The following ABCC5 variants were observed in gnomAD, a reference collection of about 807,000 sequenced individuals.
ABCC5 encodes ATP-binding cassette sub-family C member 5.
A neutral mutation model predicts 160.9 loss-of-function variants in ABCC5; 61 were observed. The observed-to-expected ratio is 0.38, with a 90% CI of 0.31 to 0.47. ABCC5 has a LOEUF of 0.47. Among genes scored for constraint, ABCC5 ranks in the 20% least tolerant of loss-of-function variants. The pLI is 0.99. For synonymous variants in ABCC5, 666 were observed against 700.6 expected, an observed-to-expected ratio of 0.95 and a Z score of 0.78; for missense variants, 1,308 against 1,813.3, an observed-to-expected ratio of 0.72 and a Z score of 5.06.
At chr3:183,974,104 A>ACC (rs1449003252) in intron 10 of ABCC5, among the ~76,000 whole-genome samples, 1 of 152,198 alleles carries the variant, frequency 6.6e-6, no homozygotes, top group Non-Finnish European at 1.5e-5. Context: ...TGTCAGAACA[A>ACC]CAGAATCTTA....
At chr3:184,006,285 C>T (rs1312508411) in intron 2 of ABCC5, 1 of 136,722 alleles carries the variant, frequency 7.3e-6, no homozygotes, top group Admixed American at 7.8e-5. Flanking sequence ...TTTATGGATG[C>T]CTACAGGGAG....
chr3:183,991,629 C>T (rs1432894799), intron 2 of ABCC5, among the ~76,000 whole-genome samples: 1 of 152,184 alleles, frequency 6.6e-6, no homozygotes, highest in East Asian at 1.9e-4. Flanking sequence ...CACTCCTTTC[C>T]TTTTGTCAAA....
rs1715320637 is a variant in ABCC5, at chr3:183,951,303, T to C, written c.2944+138A>G. 24 of 1,139,510 alleles carry C rather than the reference T, an allele frequency of 2.1e-5. No homozygotes were observed. The highest frequency in any genetic ancestry group is 2.9e-5 in the Non-Finnish European group (24 of 820,934). The allele number at this position is 1,139,510 out of a possible 1,614,324, so 70.6% of individuals were successfully genotyped here. A position where few individuals can be genotyped will look rare whatever the true frequency, so the allele number is the denominator to read the frequency against. On this transcript the variant is annotated intron_variant, in intron 20 of 29. Coordinates refer to ENST00000334444, the MANE Select transcript of ABCC5 (RefSeq NM_005688.4). The surrounding 1 kb of genome is among the most constrained non-coding windows in gnomAD (Gnocchi z 4.7). ...AACAAGACAGAAAATGCAGTTGCAA[T>C]GTTCCTGGTGAAAACACCAGCAGTC...
chr3:184,002,140 G>A (rs1720793739), intron 2 of ABCC5, among the ~76,000 whole-genome samples: 1 of 152,156 alleles, frequency 6.6e-6, no homozygotes, highest in South Asian at 2.1e-4. Flanking sequence ...GCTTATGCTT[G>A]TAATCCCAGC....
At chr3:184,001,266 T>A (rs1239791982) in intron 2 of ABCC5, 11 of 520,246 alleles carry the variant, frequency 2.1e-5, no homozygotes, top group Non-Finnish European at 3.8e-5. Flanking sequence ...AAATAAAAAG[T>A]AAAAGGTAAA....
Position 183,925,669 on chromosome 3 carries a change from T to C in ABCC5, c.4098A>G (p.Leu1366=), listed in dbSNP as rs1433084144. 6.2e-7 allele frequency: 1 copy of C among 1,614,094 alleles called. No individual in the cohort carries two copies. The highest frequency in any genetic ancestry group is 8.5e-7 in the Non-Finnish European group (1 of 1,180,010). Residue 1366 remains leucine, a synonymous_variant, in exon 29 of 30, where the codon TTA becomes TTG. Coordinates refer to ENST00000334444, the MANE Select transcript of ABCC5 (RefSeq NM_005688.4). ...CTTCTCGGATGGTCTCTTGAATCAATAAGTCTGTCTCTGTGTCCATGGCAG... is the reference window on the plus strand; with the variant it reads ...CTTCTCGGATGGTCTCTTGAATCAACAAGTCTGTCTCTGTGTCCATGGCAG... ...ATAAMDTETD[L]LIQETIREAF...
intron 2 of ABCC5, among the ~76,000 whole-genome samples, chr3:183,990,996 A>G (rs967182865): frequency 5.9e-5 from 9 of 152,172 alleles, no homozygotes; most frequent in Admixed American, 4.6e-4. Context: ...TCCAGCAATT[A>G]TTGTGAAACA....
chr3:183,951,936 T>G lies in ABCC5; in HGVS notation c.2735A>C (p.Gln912Pro), dbSNP rs755404829. ...SDSMKDNPHM[Q>P]YYASIYALSM... ...GAGGGCGTAGATGCTGGCATAGTACTGCATATGAGGATTGTCCTTCATGCT... is the reference window on the plus strand; with the variant it reads ...GAGGGCGTAGATGCTGGCATAGTACGGCATATGAGGATTGTCCTTCATGCT... Residue 912 changes from glutamine to proline, a missense_variant, in exon 19 of 30, where the codon CAG becomes CCG. Gln to Pro is a moderately conservative substitution (Grantham distance 76, BLOSUM62 -1). This residue lies in a region of ABCC5 where 1,142 missense variants were observed against 1,527.1 expected (regional missense o/e 0.75). Transcript: ENST00000334444. The surrounding 1 kb of genome is among the most constrained non-coding windows in gnomAD (Gnocchi z 4.7). The G allele has an allele frequency of 1.2e-6, 2 of 1,613,998 alleles. No individual in the cohort carries two copies. The highest frequency in any genetic ancestry group is 4.5e-5 in the East Asian group (2 of 44,872).
chr3:184,008,266 G>C (rs1288073366), intron 2 of ABCC5, among the ~76,000 whole-genome samples: 1 of 152,068 alleles, frequency 6.6e-6, no homozygotes, highest in Non-Finnish European at 1.5e-5. Flanking sequence ...AATAAACACT[G>C]ACTGCATCTT....
At chr3:184,000,327 A>T (rs1315456124) in intron 2 of ABCC5, among the ~76,000 whole-genome samples, 1 of 152,192 alleles carries the variant, frequency 6.6e-6, no homozygotes, top group Admixed American at 6.5e-5. Flanking sequence ...TGGGTGACAG[A>T]GTGAGACCCT....
At chr3:184,000,274 A>G (rs569942340) in intron 2 of ABCC5, among the ~76,000 whole-genome samples, 1 of 151,912 alleles carries the variant, frequency 6.6e-6, no homozygotes, top group East Asian at 2.0e-4. Flanking sequence ...AGCCAGGACC[A>G]TCGGGCTGAA....
At chr3:183,973,085 CGCTGTGTCGCCCAG>C in intron 10 of ABCC5, among the ~76,000 whole-genome samples, 1 of 131,036 alleles carries the variant, frequency 7.6e-6, no homozygotes, top group East Asian at 2.2e-4. Context: ...GATGGAGTCT[CGCTGTGTCGCCCAG>C]GCTGGAGTGC....
intron 10 of ABCC5, among the ~76,000 whole-genome samples, chr3:183,972,533 G>A (rs997927112): frequency 2.0e-5 from 3 of 152,136 alleles, no homozygotes; most frequent in Non-Finnish European, 4.4e-5. Flanking sequence ...AACAACCAAA[G>A]GAACAGGCTT....
At chr3:183,985,152 A>G in intron 5 of ABCC5, 1 of 757,940 alleles carries the variant, frequency 1.3e-6, no homozygotes, top group East Asian at 2.6e-5. Context: ...ATAAAGAAAA[A>G]AGAGGTTTTC....
rs1718850068 is a variant in ABCC5, at chr3:183,982,668, G to A, written c.826-44C>T. On this transcript the variant is annotated intron_variant, in intron 6 of 29. Coordinates refer to ENST00000334444, the MANE Select transcript of ABCC5 (RefSeq NM_005688.4). The surrounding 1 kb of genome is among the most constrained non-coding windows in gnomAD (Gnocchi z 5.2). ...AGTGAGGGGACCCTGCAAGGACACG[G>A]TTCATTTGTCTCAGGAGGAAGATAA... 1 of 1,609,730 alleles carries A rather than the reference G, an allele frequency of 6.2e-7. No individual in the cohort carries two copies. Among genetic ancestry groups the A allele is most frequent in the Non-Finnish European group, 8.5e-7 (1 of 1,176,548 alleles).
Position 183,988,578 on chromosome 3 carries a change from C to A in ABCC5, c.437G>T (p.Cys146Phe). Residue 146 changes from cysteine (C) to phenylalanine (F), a missense_variant, in exon 4 of 30, where the codon TGC becomes TTC. By Grantham distance (205) the Cys-to-Phe change is radical. Around this residue, in one of 3 missense-constraint regions of ABCC5, gnomAD observed 1,142 missense variants for 1,527.1 expected, o/e 0.75. Transcript: ENST00000334444. This position sits in a 1 kb window ranked among gnomAD's most constrained non-coding sequence, Gnocchi z 4.4. Reference protein sequence around the residue: ...LSKHESSDVNCRRLERLWQEE... With the variant: ...LSKHESSDVNFRRLERLWQEE... ...GTGGACCAGAGGCGCCTACCTTCTGCAGTTCACGTCAGAAGACTCGTGCTT... is the reference window on the plus strand; with the variant it reads ...GTGGACCAGAGGCGCCTACCTTCTGAAGTTCACGTCAGAAGACTCGTGCTT... 3 of 1,612,620 alleles carry A rather than the reference C, an allele frequency of 1.9e-6. No homozygotes were observed. The highest frequency in any genetic ancestry group is 1.7e-6 in the Non-Finnish European group (2 of 1,179,560).
chr3:184,007,426 A>G (rs567996491), intron 2 of ABCC5, among the ~76,000 whole-genome samples: 1 of 152,154 alleles, frequency 6.6e-6, no homozygotes, highest in African/African-American at 2.4e-5. Flanking sequence ...ACAAACCACC[A>G]CCACAATAAA....
chr3:183,982,839 T>C lies in ABCC5; in HGVS notation c.760A>G (p.Ile254Val). 1.2e-6 allele frequency: 2 copies of C among 1,614,234 alleles called. No homozygotes were observed. The highest frequency in any genetic ancestry group is 1.7e-6 in the Non-Finnish European group (2 of 1,180,034). Reference sequence around the variant, plus strand: ...ATCTTCTTAAATGCCATGGTTAGGATGGCCCCCCGCAAGCGGACACCGGTT... The same window carrying C: ...ATCTTCTTAAATGCCATGGTTAGGACGGCCCCCCGCAAGCGGACACCGGTT... Reference protein sequence around the residue: ...YRTGVRLRGAILTMAFKKILK... With the variant: ...YRTGVRLRGAVLTMAFKKILK... Residue 254 changes from isoleucine (I) to valine (V), a missense_variant, in exon 6 of 30, where the codon ATC (isoleucine) becomes GTC (valine). Ile to Val is a conservative substitution (Grantham distance 29). Transcript: ENST00000334444. The surrounding 1 kb of genome is among the most constrained non-coding windows in gnomAD (Gnocchi z 5.2).
intron 5 of ABCC5, 38 bp from the exon 6 acceptor site, chr3:183,983,045 C>A: frequency 6.5e-7 from 1 of 1,527,428 alleles, no homozygotes; most frequent in Non-Finnish European, 9.1e-7. Context: ...AACATCTCCA[C>A]GGCACTCACA....
Sources: gnomAD v4.1 joint callset for allele counts (sites outside exome capture counted in the v4.1 genomes callset) on GRCh38, gnomAD v4.1.1 for gene constraint, gnomAD v4.1.1 regional missense constraint, Gnocchi (gnomAD v3.1) non-coding constraint, MANE v1.5 for transcripts, NCBI Gene and HGNC (gene_info 2026-07-23, HGNC 2026-07-21) for gene names.